CEP120: variants seen among roughly 807,000 people sequenced by gnomAD.
The protein encoded by CEP120 is centrosomal protein of 120 kDa.
CEP120 carries 113 observed loss-of-function variants against 126.5 expected under a neutral mutation model. The ratio of observed to expected loss-of-function variants is 0.89; its 90% CI spans 0.77 to 1.04. CEP120 has a LOEUF of 1.04. CEP120 is among the 50% of genes least tolerant of loss of function. The pLI, the probability that CEP120 is intolerant of heterozygous loss-of-function variation, is 0.00. For missense variants in CEP120, 1,230 were observed against 1,155.7 expected (o/e 1.06, Z -0.93); for synonymous variants, 400 against 394.3 (o/e 1.01, Z -0.17).
At chr5:123,401,640 G>A in intron 4 of CEP120, 2 of 1,434,900 alleles carry the variant, frequency 1.4e-6, no homozygotes, top group East Asian at 2.3e-5. Context: ...CAGGACTGCA[G>A]CTCCCGGATC....
chr5:123,351,412 T>G (rs985013428), intron 18 of CEP120, among the ~76,000 whole-genome samples: 5 of 152,192 alleles, frequency 3.3e-5, no homozygotes, highest in African/African-American at 1.2e-4. Context: ...ATTCCACTGC[T>G]GAAGGACATT....
chr5:123,423,269 C>T lies in CEP120; in HGVS notation c.-271G>A. ...CAGTCTGCAAGCAGAGACAAGCCCGCCACCCGAGGACCTTTTGCCGCCTGC... is the reference window on the plus strand; with the variant it reads ...CAGTCTGCAAGCAGAGACAAGCCCGTCACCCGAGGACCTTTTGCCGCCTGC... On this transcript the variant is annotated 5_prime_UTR_variant, in exon 1 of 20. Coordinates refer to ENST00000306467, the MANE Select transcript of CEP120 (RefSeq NM_001375405.1). The T allele has an allele frequency of 2.1e-6, 1 of 487,040 alleles. No individual in the cohort carries two copies. Among genetic ancestry groups the T allele is most frequent in the African/African-American group, 2.0e-5 (1 of 49,352 alleles). The allele number at this position is 487,040 out of a possible 1,614,324, so 30.2% of individuals were successfully genotyped here. A position where few individuals can be genotyped will look rare whatever the true frequency, so the allele number is the denominator to read the frequency against.
chr5:123,421,548 T>C (rs79475916), intron 1 of CEP120, among the ~76,000 whole-genome samples: 3,997 of 152,262 alleles, frequency 0.026, 66 homozygotes, highest in Middle Eastern at 0.041. Context: ...TAGAATTCTA[T>C]TGTCACATAT....
intron 5 of CEP120, among the ~76,000 whole-genome samples, chr5:123,398,932 C>A (rs1294492035): frequency 6.6e-6 from 1 of 151,960 alleles, no homozygotes; most frequent in African/African-American, 2.4e-5. Context: ...GAGATTTATT[C>A]TCTTACAATC....
intron 10 of CEP120, among the ~76,000 whole-genome samples, chr5:123,385,446 C>G (rs1260179187): frequency 6.6e-6 from 1 of 152,164 alleles, no homozygotes; most frequent in African/African-American, 2.4e-5. Flanking sequence ...CAGTCACATG[C>G]TGTGCAGGTT....
chr5:123,393,547 A>G (rs1312468029), intron 5 of CEP120, 50 bp from the exon 6 acceptor site: 3 of 1,449,258 alleles, frequency 2.1e-6, no homozygotes, highest in Non-Finnish European at 2.9e-6. Context: ...AAACTACTGA[A>G]CATGCTTAGT....
intron 4 of CEP120, among the ~76,000 whole-genome samples, chr5:123,409,704 G>C (rs1189228240): frequency 6.6e-6 from 1 of 152,030 alleles, no homozygotes; most frequent in East Asian, 1.9e-4. Context: ...ATGCCTGTAA[G>C]CCCAGCACTT....
intron 18 of CEP120, among the ~76,000 whole-genome samples, chr5:123,360,524 A>T (rs916994307): frequency 6.6e-6 from 1 of 152,066 alleles, no homozygotes; most frequent in East Asian, 1.9e-4. Context: ...TTCATGGAGT[A>T]TAAGTTTCAG....
intron 16 of CEP120, among the ~76,000 whole-genome samples, chr5:123,375,481 C>T (rs1348604256): frequency 6.6e-6 from 1 of 151,878 alleles, no homozygotes; most frequent in South Asian, 2.1e-4. Context: ...CACCACTATG[C>T]CTGGCTAATT....
At chr5:123,381,767 A>AC (rs1771666054) in intron 14 of CEP120, among the ~76,000 whole-genome samples, 2 of 150,494 alleles carry the variant, frequency 1.3e-5, no homozygotes, top group Non-Finnish European at 3.0e-5. Flanking sequence ...ACACACACAT[A>AC]TTTTTTTTTA....
intron 1 of CEP120, among the ~76,000 whole-genome samples, chr5:123,420,481 C>A (rs1365535355): frequency 6.6e-6 from 1 of 152,108 alleles, no homozygotes; most frequent in African/African-American, 2.4e-5. Context: ...GGACTGTAGT[C>A]CCCCGAGTCC....
chr5:123,352,977 A>C (rs1344225390), intron 18 of CEP120, among the ~76,000 whole-genome samples: 1 of 152,044 alleles, frequency 6.6e-6, no homozygotes, highest in Non-Finnish European at 1.5e-5. Context: ...CTTTGTTTCC[A>C]GCAAACTTGC....
At position 123,361,660 on chromosome 5, in the gene CEP120, A is replaced by G. The variant is rs567377623; in HGVS notation, c.2580+2836T>C. 2.6e-5 allele frequency among the ~76,000 whole-genome samples: 4 copies of G among 151,920 alleles called. No homozygotes were observed. In the South Asian group the frequency reaches 8.3e-4, roughly 31 times the overall value. ...ATTATGCACACTTAAGAATTCTGTC[A>G]GTCACAAAGCCCTCTAGTATTTGTT... On this transcript the variant is annotated intron_variant, in intron 18 of 19. Transcript: ENST00000306467.
chr5:123,362,851 G>T (rs1233437507), intron 18 of CEP120, among the ~76,000 whole-genome samples: 1 of 151,568 alleles, frequency 6.6e-6, no homozygotes, highest in Non-Finnish European at 1.5e-5. Flanking sequence ...ATTTCTAACT[G>T]GTAGCCGAAT....
chr5:123,370,657 T>A (rs1770787543), intron 17 of CEP120, among the ~76,000 whole-genome samples: 1 of 125,158 alleles, frequency 8.0e-6, no homozygotes. Flanking sequence ...TATATATATG[T>A]TATATATACA....
rs1339682721 is a variant in CEP120 at position 123,352,347 on chromosome 5, A to AT, written c.2581-2259dup. Among the ~76,000 whole-genome samples the AT allele has an allele frequency of 7.3e-5, 11 of 150,892 alleles. No individual in the cohort carries two copies. In the East Asian group the frequency reaches 7.7e-4, roughly 11 times the overall value. On this transcript the variant is annotated intron_variant, in intron 18 of 19. Transcript: ENST00000306467. The stretch of plus-strand genomic sequence containing the variant: ...AACCGTGCTCTTTCCTATTTAAGAC[A>AT]TTTTTTTTGCCTGTCTCAATCTTGA...
chr5:123,413,144 C>T (rs751183271), intron 3 of CEP120, among the ~76,000 whole-genome samples: 2 of 151,758 alleles, frequency 1.3e-5, no homozygotes, highest in Non-Finnish European at 1.5e-5. Flanking sequence ...TGGTGGTGCA[C>T]GCCTGTAATC....
At chr5:123,382,256 GA>G in intron 13 of CEP120, 56 bp from the exon 14 acceptor site, 1 of 994,456 alleles carries the variant, frequency 1.0e-6, no homozygotes. Flanking sequence ...TCAAATAAAT[GA>G]ATCAGTTGTC....
At chr5:123,378,764 A>T (rs569880433) in intron 14 of CEP120, among the ~76,000 whole-genome samples, 3 of 152,212 alleles carry the variant, frequency 2.0e-5, no homozygotes, top group African/African-American at 7.2e-5. Flanking sequence ...TTTGAAACGC[A>T]TATGTAGTGT....
Sources: allele counts gnomAD v4.1 joint callset (sites outside exome capture counted in the v4.1 genomes callset), GRCh38; gene constraint gnomAD v4.1.1; transcripts MANE v1.5; gene names NCBI Gene and HGNC (gene_info 2026-07-23, HGNC 2026-07-21).